Variants in COL3A1 observed in about 807,000 individuals in gnomAD.
COL3A1 encodes the protein collagen alpha-1(III) chain.
COL3A1 carries 46 observed loss-of-function variants against 200.9 expected under a neutral mutation model. The ratio of observed to expected loss-of-function variants is 0.23; its 90% CI spans 0.18 to 0.29. The LOEUF (loss-of-function observed/expected upper bound fraction) is 0.29, where lower values mean the gene tolerates loss of function less well. Among genes scored for constraint, COL3A1 ranks in the 10% least tolerant of loss-of-function variants. The probability of loss-of-function intolerance (pLI) is 1.00; values close to 1 mark genes in which losing one functional copy is unlikely to be tolerated. For synonymous variants in COL3A1, 650 were observed against 628.0 expected (o/e 1.03, Z -0.52); for missense variants, 1,367 against 1,917.6 (o/e 0.71, Z 5.36).
intron 7 of COL3A1, among the ~76,000 whole-genome samples, chr2:188,988,932 ACACT>A (rs566781092): frequency 5.9e-4 from 90 of 151,832 alleles, no homozygotes; most frequent in South Asian, 1.0e-3. Context: ...TTTTCTGTAA[ACACT>A]CAGTTCACTC....
At chr2:188,985,072 CAT>C (rs1268104911) in intron 2 of COL3A1, 110 bp downstream of exon 2, 17 of 1,396,462 alleles carry the variant, frequency 1.2e-5, no homozygotes, top group Non-Finnish European at 1.6e-5. Flanking sequence ...ATCAAATAGC[CAT>C]GTTTGTATTA....
chr2:188,984,997 T>C (rs1400755004), intron 2 of COL3A1, 35 bp downstream of exon 2: 1 of 1,594,162 alleles, frequency 6.3e-7, no homozygotes, highest in South Asian at 1.1e-5. Flanking sequence ...TCTTCAATAT[T>C]CATATTTAGA....
In COL3A1 at chr2:189,004,328, A is replaced by G. The variant is rs1163942360; in HGVS notation, c.2895A>G (p.Pro965=). Residue 965 remains proline, a synonymous_variant, in exon 40 of 51, where the codon CCA becomes CCG. Coordinates refer to ENST00000304636, the MANE Select transcript of COL3A1 (RefSeq NM_000090.4). ...ARGLAGPPGM[P]GPRGSPGPQG... Reference sequence around the variant, plus strand: ...GTCTTGCAGGACCACCAGGCATGCCAGGTCCTAGGGGAAGCCCTGGCCCTC... The same window carrying G: ...GTCTTGCAGGACCACCAGGCATGCCGGGTCCTAGGGGAAGCCCTGGCCCTC... 21 of 1,606,646 alleles carry G rather than the reference A, an allele frequency of 1.3e-5. No individual in the cohort carries two copies. The highest frequency in any genetic ancestry group is 1.8e-5 in the Non-Finnish European group (21 of 1,176,968).
chr2:189,009,154 T>C lies in COL3A1; in HGVS notation c.3756T>C (p.Asp1252=), dbSNP rs746035610. Residue 1252 remains aspartate (D), a synonymous_variant, in exon 48 of 51, where the codon GAT becomes GAC. Coordinates refer to ENST00000304636, the MANE Select transcript of COL3A1 (RefSeq NM_000090.4). ...NGQIESLISP[D]GSRKNPARNC... ...AAATAGAAAGCCTCATTAGTCCTGA[T>C]GGTTCTCGTAAAAACCCCGCTAGAA... 11 of 1,614,118 alleles carry C rather than the reference T, an allele frequency of 6.8e-6. No homozygotes were observed. Among genetic ancestry groups the C allele is most frequent in the African/African-American group, 2.7e-5 (2 of 74,940 alleles).
chr2:188,995,051 C>T lies in COL3A1; in HGVS notation c.1461C>T (p.Ala487=), dbSNP rs747522483. The T allele has an allele frequency of 1.5e-5, 24 of 1,614,060 alleles. No individual in the cohort carries two copies. The highest frequency in any genetic ancestry group is 1.9e-5 in the Non-Finnish European group (23 of 1,180,002). The change falls in exon 21 of 51, where the codon GCC becomes GCT. Residue 487 remains alanine, a synonymous_variant. Coordinates refer to ENST00000304636, the MANE Select transcript of COL3A1 (RefSeq NM_000090.4). ...GLPGAAGERG[A]PGFRGPAGPN... ...TTGTCTTTCATTATTTTCAGGGTGC[C>T]CCTGGGTTCCGAGGACCTGCTGGAC... is the stretch of plus-strand genomic sequence containing the variant.
chr2:188,997,559 T>C (rs1304551726), intron 26 of COL3A1, 141 bp from the exon 27 acceptor site: 2 of 1,117,784 alleles, frequency 1.8e-6, no homozygotes, highest in African/African-American at 1.6e-5. Flanking sequence ...GTTTAGAGTG[T>C]ACATGTGTGC....
At chr2:188,991,082 T>C (rs1219723511) in intron 11 of COL3A1, 25 bp downstream of exon 11, 1 of 1,603,396 alleles carries the variant, frequency 6.2e-7, no homozygotes. Context: ...AAATCATATT[T>C]TCATAAGTAA....
At chr2:188,989,967 A>G in intron 8 of COL3A1, 129 bp from the exon 9 acceptor site, 2 of 832,520 alleles carry the variant, frequency 2.4e-6, no homozygotes, top group South Asian at 1.4e-5. Context: ...GCTGATCTCA[A>G]CTATACATTT....
chr2:188,993,358 T>A lies in COL3A1; in HGVS notation c.1051-3T>A. 6.4e-7 allele frequency: 1 copy of A among 1,565,214 alleles called. No individual in the cohort carries two copies. The highest frequency in any genetic ancestry group is 1.2e-5 in the South Asian group (1 of 84,830). ...AACTGACTACACAAGGTTTTACCAT[T>A]AGGGTGAAGTTGGACCTGCAGGGTC... On this transcript the variant is annotated splice_region_variant and splice_polypyrimidine_tract_variant and intron_variant, in intron 15 of 50. Coordinates refer to ENST00000304636, the MANE Select transcript of COL3A1 (RefSeq NM_000090.4).
At chr2:188,989,942 C>G (rs567731829) in intron 8 of COL3A1, among the ~76,000 whole-genome samples, 154 bp from the exon 9 acceptor site, 7 of 152,260 alleles carry the variant, frequency 4.6e-5, no homozygotes, top group East Asian at 1.9e-4. Context: ...CTTCCTCATG[C>G]CTTCTACCAA....
chr2:188,985,016 T>TATTGA, intron 2 of COL3A1, 54 bp downstream of exon 2: 1 of 1,541,614 alleles, frequency 6.5e-7, no homozygotes, highest in Non-Finnish European at 8.9e-7. Context: ...GACACATGAA[T>TATTGA]AGCTCCTATA....
intron 1 of COL3A1, among the ~76,000 whole-genome samples, chr2:188,978,474 A>G (rs1163822923): frequency 6.6e-6 from 1 of 152,014 alleles, no homozygotes; most frequent in African/African-American, 2.4e-5. Flanking sequence ...GAAACTCCAC[A>G]GTTTCCATTG....
At chr2:188,996,305 TACACAC>T (rs141685938) in intron 23 of COL3A1, 87 bp from the exon 24 acceptor site, 3 of 634,198 alleles carry the variant, frequency 4.7e-6, no homozygotes, top group African/African-American at 4.0e-5. Context: ...TCTATATATA[TACACAC>T]ACACACACAC....
rs1352502380 is a variant in COL3A1 at position 188,994,094 on chromosome 2, C to T, written c.1194+12C>T. On this transcript the variant is annotated intron_variant, in intron 17 of 50. Transcript: ENST00000304636. The surrounding 1 kb of genome is among the most constrained non-coding windows in gnomAD (Gnocchi z 4.5). ...GTAAAGGCGAAATGGTAAGCTGTCC[C>T]CACTCCTCAGCCTTATCTCATCCAC... 1.2e-6 allele frequency: 2 copies of T among 1,614,062 alleles called. No homozygotes were observed. The highest frequency in any genetic ancestry group is 2.2e-5 in the East Asian group (1 of 44,878).
rs28736387 is a variant in COL3A1, at chr2:188,998,164, G to A, written c.1924-102G>A. Reference sequence around the variant, plus strand: ...CGTTTCTACCCCTACAAGACCACTGGAACTTTTTTTTAATATCTTGCAGAA... The same window carrying A: ...CGTTTCTACCCCTACAAGACCACTGAAACTTTTTTTTAATATCTTGCAGAA... On this transcript the variant is annotated intron_variant, in intron 27 of 50. Transcript: ENST00000304636. 0.047 allele frequency: 50,958 copies of A among 1,090,632 alleles called. 4,562 individuals carry two copies. Among genetic ancestry groups the A allele is most frequent in the African/African-American group, 0.35 (22,492 of 64,064 alleles). The allele number at this position is 1,090,632 out of a possible 1,614,324, so 67.6% of individuals were successfully genotyped here.
chr2:189,001,071 G>C (rs1465480158), intron 32 of COL3A1, among the ~76,000 whole-genome samples: 1 of 152,144 alleles, frequency 6.6e-6, no homozygotes, highest in African/African-American at 2.4e-5. Flanking sequence ...ATTGAATAAA[G>C]AAATGTACTT....
chr2:188,976,876 G>A (rs1687830540), intron 1 of COL3A1, among the ~76,000 whole-genome samples: 1 of 152,186 alleles, frequency 6.6e-6, no homozygotes, highest in Admixed American at 6.5e-5. Context: ...TGGCTGACAA[G>A]CCAGGTTACC....
In COL3A1 at chr2:188,974,394, C is replaced by T. The variant is rs941498756; in HGVS notation, c.-96C>T. On this transcript the variant is annotated 5_prime_UTR_variant, in exon 1 of 51. Coordinates refer to ENST00000304636, the MANE Select transcript of COL3A1 (RefSeq NM_000090.4). Reference sequence around the variant, plus strand: ...CAGTGGCTGAGTTTTATGACGGGCCCGGTGCTGAAGGGCAGGGAACAACTT... The same window carrying T: ...CAGTGGCTGAGTTTTATGACGGGCCTGGTGCTGAAGGGCAGGGAACAACTT... 5.7e-6 allele frequency: 5 copies of T among 879,654 alleles called. No individual in the cohort carries two copies. Among genetic ancestry groups the T allele is most frequent in the African/African-American group, 1.7e-5 (1 of 60,114 alleles). 54.5% of individuals were successfully genotyped at this position (879,654 alleles called of 1,614,324 possible). A position where few individuals can be genotyped will look rare whatever the true frequency, so the allele number is the denominator to read the frequency against.
rs1039226542 is a variant in COL3A1 at position 188,997,340 on chromosome 2, C to T, written c.1820C>T (p.Pro607Leu). 1.7e-5 allele frequency: 27 copies of T among 1,613,744 alleles called. No individual in the cohort carries two copies. The highest frequency in any genetic ancestry group is 2.0e-5 in the Non-Finnish European group (24 of 1,179,864). Residue 607 changes from proline to leucine, a missense_variant, in exon 26 of 51, where the codon CCT (proline) becomes CTT (leucine). Pro to Leu is a moderately conservative substitution (Grantham distance 98, BLOSUM62 -3). This residue lies in a region of COL3A1 where 846 missense variants were observed against 1,147.9 expected (regional missense o/e 0.74). Transcript: ENST00000304636. The part of the protein sequence containing the change: ...GGPGGPGPQG[P>L]PGKNGETGPQ... ...CCTAACTGTTCTTGTTTTTAGGGTC[C>T]TCCTGGAAAGAATGGTGAAACTGGA...
Sources: gnomAD v4.1 joint callset for allele counts (sites outside exome capture counted in the v4.1 genomes callset) on GRCh38, gnomAD v4.1.1 for gene constraint, gnomAD v4.1.1 regional missense constraint, Gnocchi (gnomAD v3.1) non-coding constraint, MANE v1.5 for transcripts, NCBI Gene and HGNC (gene_info 2026-07-23, HGNC 2026-07-21) for gene names.